Variants in GRM7 observed in about 807,000 individuals in gnomAD.
GRM7 encodes glutamate metabotropic receptor 7.
GRM7 carries 35 observed loss-of-function variants against 84.5 expected under a neutral mutation model. That is an observed-to-expected ratio of 0.41 (90% CI 0.32 to 0.55). The LOEUF is 0.55. Among genes scored for constraint, GRM7 ranks in the 20% least tolerant of loss-of-function variants. The probability of loss-of-function intolerance (pLI) is 0.19; values close to 1 mark genes in which losing one functional copy is unlikely to be tolerated. For missense variants in GRM7, 1,003 were observed against 1,194.6 expected (o/e 0.84, Z 2.36); for synonymous variants, 487 against 455.1 (o/e 1.07, Z -0.89).
chr3:7,635,465 A>T (rs1698051463), intron 8 of GRM7, among the ~76,000 whole-genome samples: 1 of 152,142 alleles, frequency 6.6e-6, no homozygotes, highest in South Asian at 2.1e-4. Flanking sequence ...TCTTTAATTA[A>T]CTGTTCAAGA....
At chr3:7,724,855 T>C (rs1702067569) in intron 9 of GRM7, among the ~76,000 whole-genome samples, 1 of 152,206 alleles carries the variant, frequency 6.6e-6, no homozygotes, top group Non-Finnish European at 1.5e-5. Context: ...CTTGAATCCC[T>C]GAGCTCACTC....
At chr3:7,109,712 A>G (rs925032976) in intron 1 of GRM7, among the ~76,000 whole-genome samples, 1 of 152,172 alleles carries the variant, frequency 6.6e-6, no homozygotes, top group Non-Finnish European at 1.5e-5. Context: ...TATCAAATGA[A>G]TCAATTCACT....
chr3:6,880,507 C>T (rs1371299095), intron 1 of GRM7, among the ~76,000 whole-genome samples: 2 of 152,194 alleles, frequency 1.3e-5, no homozygotes, highest in African/African-American at 4.8e-5. Context: ...TTATGGTTCA[C>T]ATATAAACAA....
At chr3:7,158,235 G>T (rs1188970997) in intron 2 of GRM7, among the ~76,000 whole-genome samples, 1 of 152,126 alleles carries the variant, frequency 6.6e-6, no homozygotes. Flanking sequence ...ACTTCCACAA[G>T]TAGGCTAACA....
rs71625339 is a variant in GRM7 at position 7,200,964 on chromosome 3, A to ATTTTT, written c.736+54315_736+54319dup. The stretch of plus-strand genomic sequence containing the variant: ...ACTGTCTTGGGGGAAACATTTCAGA[A>ATTTTT]TTTTTTTTTTTTTTTTTTTTTTTGA... On this transcript the variant is annotated intron_variant, in intron 2 of 9. Coordinates refer to ENST00000357716, the MANE Select transcript of GRM7 (RefSeq NM_000844.4). Among the ~76,000 whole-genome samples, 191 of 98,156 alleles carry ATTTTT rather than the reference A, an allele frequency of 1.9e-3. 5 individuals carry two copies. Among genetic ancestry groups the ATTTTT allele is most frequent in the African/African-American group, 5.8e-3 (133 of 23,066 alleles). The allele number at this position is 98,156 out of a possible 152,430, so 64.4% of individuals were successfully genotyped here. A position where few individuals can be genotyped will look rare whatever the true frequency, so the allele number is the denominator to read the frequency against.
At chr3:7,220,135 A>G (rs1696751646) in intron 2 of GRM7, among the ~76,000 whole-genome samples, 1 of 152,242 alleles carries the variant, frequency 6.6e-6, no homozygotes, top group African/African-American at 2.4e-5. Context: ...AATACTTTAT[A>G]TAGATACTCT....
At chr3:7,557,829 A>G (rs1271016877) in intron 7 of GRM7, among the ~76,000 whole-genome samples, 2 of 152,176 alleles carry the variant, frequency 1.3e-5, no homozygotes, top group Non-Finnish European at 2.9e-5. Flanking sequence ...AGCCTTTCCA[A>G]ATAAGGCAGG....
chr3:7,070,417 T>G (rs1697826899), intron 1 of GRM7, among the ~76,000 whole-genome samples: 1 of 152,150 alleles, frequency 6.6e-6, no homozygotes, highest in Admixed American at 6.6e-5. Flanking sequence ...TTGCATTAAT[T>G]ACAAATGAAT....
chr3:7,520,347 C>A (rs1399143781), intron 7 of GRM7: 2 of 152,056 alleles, frequency 1.3e-5, no homozygotes, highest in Non-Finnish European at 2.9e-5. Context: ...GGTTTAAGAG[C>A]CACTTTTGTG....
intron 4 of GRM7, among the ~76,000 whole-genome samples, chr3:7,396,093 A>G (rs6804902): frequency 0.35 from 53,776 of 151,948 alleles, 10,768 homozygotes; most frequent in Non-Finnish European, 0.47. Context: ...TTCTCTCTTA[A>G]TTCATGATTT....
intron 9 of GRM7, chr3:7,681,808 A>C (rs1328696167): frequency 6.6e-6 from 1 of 152,228 alleles, no homozygotes; most frequent in Admixed American, 6.5e-5. Flanking sequence ...AGCTTTTCTA[A>C]AACTCAACAT....
intron 1 of GRM7, among the ~76,000 whole-genome samples, chr3:7,065,103 G>A (rs1697606372): frequency 6.6e-6 from 1 of 151,902 alleles, no homozygotes; most frequent in African/African-American, 2.4e-5. Flanking sequence ...TTTGTCAGAT[G>A]TACAGATTGT....
intron 2 of GRM7, among the ~76,000 whole-genome samples, chr3:7,193,741 A>G (rs1033137707): frequency 6.6e-6 from 1 of 151,774 alleles, no homozygotes; most frequent in Non-Finnish European, 1.5e-5. Context: ...AGGGTGATTT[A>G]TTAAGTTAAA....
intron 1 of GRM7, chr3:6,892,910 A>C (rs1425403483): frequency 6.6e-6 from 1 of 152,180 alleles, no homozygotes; most frequent in African/African-American, 2.4e-5. Context: ...TACAAAAATT[A>C]GCTACAGGTG....
intron 9 of GRM7, chr3:7,681,309 C>T (rs1294958578): frequency 6.6e-6 from 1 of 152,130 alleles, no homozygotes; most frequent in East Asian, 1.9e-4. Context: ...GTGTCAAATG[C>T]TTAATGCCAA....
At chr3:7,024,693 G>A (rs761837684) in intron 1 of GRM7, among the ~76,000 whole-genome samples, 1 of 152,194 alleles carries the variant, frequency 6.6e-6, no homozygotes, top group Non-Finnish European at 1.5e-5. Context: ...CAGAACAAGA[G>A]TTGAGCCTAG....
chr3:7,388,175 C>G (rs1694858308), intron 4 of GRM7, among the ~76,000 whole-genome samples: 1 of 152,032 alleles, frequency 6.6e-6, no homozygotes, highest in Admixed American at 6.6e-5. Flanking sequence ...TTTATCAGGT[C>G]TAAGAGCCTT....
chr3:7,526,231 A>C (rs1700802157), intron 7 of GRM7, among the ~76,000 whole-genome samples: 2 of 152,098 alleles, frequency 1.3e-5, no homozygotes, highest in Admixed American at 6.6e-5. Flanking sequence ...AATAACAGCC[A>C]TTCTGACTGG....
Position 6,989,728 on chromosome 3 carries a change from C to T in GRM7, c.519+127821C>T, listed in dbSNP as rs184740154. 3.1e-3 allele frequency among the ~76,000 whole-genome samples: 477 copies of T among 152,274 alleles called. 2 individuals are homozygous for T. Among genetic ancestry groups the T allele is most frequent in the Non-Finnish European group, 5.0e-3 (340 of 68,026 alleles). On this transcript the variant is annotated intron_variant, in intron 1 of 9. Coordinates refer to ENST00000357716, the MANE Select transcript of GRM7 (RefSeq NM_000844.4). ...AAGAGCCGATAATTCACATGGCTTGCGCAGTGTTATTGGTTAGAGGGACGT... is the reference window on the plus strand; with the variant it reads ...AAGAGCCGATAATTCACATGGCTTGTGCAGTGTTATTGGTTAGAGGGACGT...
Sources: gnomAD v4.1 joint callset for allele counts (sites outside exome capture counted in the v4.1 genomes callset) on GRCh38, gnomAD v4.1.1 for gene constraint, MANE v1.5 for transcripts, NCBI Gene and HGNC (gene_info 2026-07-23, HGNC 2026-07-21) for gene names.